The following ATXN7L1 variants were observed in gnomAD, a reference collection of about 807,000 sequenced individuals.
The protein encoded by ATXN7L1 is ataxin 7 like 1.
Under a neutral mutation model 70.8 loss-of-function variants are expected in ATXN7L1, and 15 were observed. The observed-to-expected ratio is 0.21, with a 90% CI of 0.14 to 0.33. ATXN7L1 has a LOEUF of 0.33. Ranked by LOEUF, ATXN7L1 falls within the 10% of genes least tolerant of loss-of-function variation. The pLI, the probability that ATXN7L1 is intolerant of heterozygous loss-of-function variation, is 1.00. For missense variants in ATXN7L1, 975 were observed against 1,097.1 expected, an observed-to-expected ratio of 0.89 and a Z score of 1.57; for synonymous variants, 440 against 445.1, an observed-to-expected ratio of 0.99 and a Z score of 0.14.
intron 3 of ATXN7L1, among the ~76,000 whole-genome samples, chr7:105,737,185 G>A (rs1797475082): frequency 6.6e-6 from 1 of 152,200 alleles, no homozygotes; most frequent in Admixed American, 6.5e-5. Flanking sequence ...ATTTCCTCTA[G>A]ATTTTCAAAT....
intron 6 of ATXN7L1, among the ~76,000 whole-genome samples, chr7:105,639,272 GT>G (rs11357544): frequency 0.78 from 99,662 of 128,042 alleles, 38,311 homozygotes; most frequent in Non-Finnish European, 0.83. Context: ...GGGAAGCCTA[GT>G]TTTTTTTTTT....
chr7:105,735,510 T>C (rs923714754), intron 3 of ATXN7L1, among the ~76,000 whole-genome samples: 10 of 152,226 alleles, frequency 6.6e-5, no homozygotes, highest in African/African-American at 2.4e-4. Context: ...CAAGAGAGAC[T>C]GGACCCAACA....
chr7:105,775,641 A>C (rs559217919), intron 3 of ATXN7L1, among the ~76,000 whole-genome samples: 12 of 152,330 alleles, frequency 7.9e-5, no homozygotes, highest in African/African-American at 2.4e-4. Flanking sequence ...GAAAGAGTAC[A>C]GTACACGTAG....
chr7:105,783,173 C>G (rs769175007), intron 3 of ATXN7L1, among the ~76,000 whole-genome samples: 21 of 152,154 alleles, frequency 1.4e-4, no homozygotes, highest in Admixed American at 1.3e-4. Context: ...GGATTCTAAC[C>G]TGCCTCTGTT....
At chr7:105,733,852 ATC>A in intron 3 of ATXN7L1, among the ~76,000 whole-genome samples, 1 of 145,866 alleles carries the variant, frequency 6.9e-6, no homozygotes, top group African/African-American at 2.6e-5. Context: ...CCATCCATCC[ATC>A]CATCCATCCA....
intron 3 of ATXN7L1, among the ~76,000 whole-genome samples, chr7:105,733,443 C>T (rs1044393889): frequency 6.6e-6 from 1 of 151,902 alleles, no homozygotes; most frequent in Non-Finnish European, 1.5e-5. Context: ...ATCAGGGGTA[C>T]AAAGGTGAGT....
intron 4 of ATXN7L1, among the ~76,000 whole-genome samples, chr7:105,645,681 C>T (rs1014228554): frequency 3.3e-5 from 5 of 150,070 alleles, no homozygotes; most frequent in East Asian, 1.9e-4. Flanking sequence ...GGCGTGGCAG[C>T]GGGCGCCTGT....
chr7:105,721,503 G>T (rs1028907502), intron 3 of ATXN7L1, among the ~76,000 whole-genome samples: 14 of 152,200 alleles, frequency 9.2e-5, no homozygotes, highest in Admixed American at 6.5e-5. Context: ...GCTCTGCTGT[G>T]CCTGCATCCC....
chr7:105,682,626 C>T (rs1361545152), intron 3 of ATXN7L1, among the ~76,000 whole-genome samples: 1 of 152,092 alleles, frequency 6.6e-6, no homozygotes, highest in Non-Finnish European at 1.5e-5. Flanking sequence ...ATGATACATG[C>T]TACAATACAA....
At chr7:105,697,614 CCTT>C (rs1791908416) in intron 3 of ATXN7L1, among the ~76,000 whole-genome samples, 2 of 152,290 alleles carry the variant, frequency 1.3e-5, no homozygotes, top group South Asian at 2.1e-4. Context: ...CGACATACAT[CCTT>C]CTCGGCTGAC....
chr7:105,871,926 T>C (rs754468374), intron 2 of ATXN7L1, among the ~76,000 whole-genome samples: 1 of 152,138 alleles, frequency 6.6e-6, no homozygotes, highest in Non-Finnish European at 1.5e-5. Context: ...AATCAAGTTA[T>C]TCAAAAAGTC....
At chr7:105,872,457 T>C (rs567512707) in intron 2 of ATXN7L1, among the ~76,000 whole-genome samples, 1 of 152,298 alleles carries the variant, frequency 6.6e-6, no homozygotes, top group East Asian at 1.9e-4. Context: ...CAAAACGTAG[T>C]ATATATACAC....
intron 3 of ATXN7L1, among the ~76,000 whole-genome samples, chr7:105,683,345 G>A (rs1805774122): frequency 6.6e-6 from 1 of 152,034 alleles, no homozygotes; most frequent in Admixed American, 6.6e-5. Context: ...CTCTTTAGGG[G>A]GTGTTGTTTT....
intron 3 of ATXN7L1, among the ~76,000 whole-genome samples, chr7:105,758,692 T>C (rs1163975801): frequency 1.3e-5 from 2 of 152,144 alleles, no homozygotes; most frequent in Non-Finnish European, 2.9e-5. Context: ...AGAATGCAGG[T>C]GTGAAGTCTT....
intron 3 of ATXN7L1, among the ~76,000 whole-genome samples, chr7:105,765,477 T>C (rs982623593): frequency 5.3e-5 from 8 of 152,288 alleles, no homozygotes; most frequent in African/African-American, 1.9e-4. Flanking sequence ...AGTCTGCAGA[T>C]GAACAGAGTC....
intron 3 of ATXN7L1, among the ~76,000 whole-genome samples, chr7:105,706,388 G>A (rs1793168576): frequency 6.6e-6 from 1 of 151,950 alleles, no homozygotes; most frequent in African/African-American, 2.4e-5. Flanking sequence ...TAGAGATGGG[G>A]TTTCACCATG....
chr7:105,678,044 G>A (rs1804973169), intron 3 of ATXN7L1: 5 of 981,052 alleles, frequency 5.1e-6, no homozygotes, highest in Non-Finnish European at 6.0e-6. Flanking sequence ...AAGTTGTCTT[G>A]AAGTAGGGTG....
At chr7:105,761,454 T>C (rs1281562709) in intron 3 of ATXN7L1, 17 of 1,614,178 alleles carry the variant, frequency 1.1e-5, no homozygotes, top group Non-Finnish European at 1.4e-5. Flanking sequence ...CCTGTTGTCT[T>C]GCTTTCTCCC....
intron 7 of ATXN7L1, among the ~76,000 whole-genome samples, chr7:105,627,788 T>C (rs1795937063): frequency 6.6e-6 from 1 of 150,908 alleles, no homozygotes; most frequent in Non-Finnish European, 1.5e-5. Flanking sequence ...CTCCTCCACC[T>C]TCCAAAGTGG....
Sources: allele counts gnomAD v4.1 joint callset (sites outside exome capture counted in the v4.1 genomes callset), GRCh38; gene constraint gnomAD v4.1.1; transcripts MANE v1.5; gene names NCBI Gene and HGNC (gene_info 2026-07-23, HGNC 2026-07-21).